The following PGBD5 variants were observed in gnomAD, a reference collection of about 807,000 sequenced individuals.
PGBD5 encodes piggyBac transposable element derived 5.
PGBD5 carries 14 observed loss-of-function variants against 47.9 expected under a neutral mutation model. That is an observed-to-expected ratio of 0.29 (90% confidence interval 0.19 to 0.46). PGBD5 has a LOEUF of 0.46. PGBD5 is among the 20% of genes least tolerant of loss of function. PGBD5 has a pLI of 1.00. For missense variants in PGBD5, 635 were observed against 716.0 expected (o/e 0.89, Z 1.29); for synonymous variants, 316 against 306.3 (o/e 1.03, Z -0.33).
chr1:230,416,705 A>G (rs1657522775), intron 1 of PGBD5, among the ~76,000 whole-genome samples: 1 of 152,230 alleles, frequency 6.6e-6, no homozygotes, highest in African/African-American at 2.4e-5. Context: ...CAAGGTGACA[A>G]TAGAGAGGAA....
rs1553292580 is a variant in PGBD5 at position 230,425,954 on chromosome 1, G to GA, written c.-27_-26insT. 1.2e-5 allele frequency: 12 copies of GA among 961,602 alleles called. No individual in the cohort carries two copies. Among genetic ancestry groups the GA allele is most frequent in the Non-Finnish European group, 1.5e-5 (12 of 811,996 alleles). The allele number at this position is 961,602 out of a possible 1,614,324, so 59.6% of individuals were successfully genotyped here. ...GGCCCCGGCCGCCGCCCGCGCGCCC[G>GA]CCCCCACAGTGCCTCCCAGCCGCAC... On this transcript the variant is annotated 5_prime_UTR_variant, in exon 1 of 7. Coordinates refer to ENST00000391860, the MANE Select transcript of PGBD5 (RefSeq NM_001258311.2). This position sits in a 1 kb window ranked among gnomAD's most constrained non-coding sequence, Gnocchi z 4.7.
At chr1:230,396,678 T>C (rs928712030) in intron 1 of PGBD5, among the ~76,000 whole-genome samples, 4 of 147,740 alleles carry the variant, frequency 2.7e-5, no homozygotes, top group South Asian at 2.2e-4. Context: ...GGGGGCATCA[T>C]AGGAAGGGCC....
At chr1:230,424,294 G>A (rs948789184) in intron 1 of PGBD5, among the ~76,000 whole-genome samples, 1 of 152,220 alleles carries the variant, frequency 6.6e-6, no homozygotes, top group Non-Finnish European at 1.5e-5. Context: ...AAGGACTATA[G>A]AGAGTCAATG....
intron 5 of PGBD5, among the ~76,000 whole-genome samples, chr1:230,326,942 C>G (rs1331126219): frequency 1.3e-5 from 2 of 152,204 alleles, no homozygotes; most frequent in Non-Finnish European, 2.9e-5. Context: ...CCGCAAAGGT[C>G]ATGGCAAGAT....
At chr1:230,386,579 C>T (rs988827405) in intron 1 of PGBD5, among the ~76,000 whole-genome samples, 1 of 152,184 alleles carries the variant, frequency 6.6e-6, no homozygotes, top group Non-Finnish European at 1.5e-5. Flanking sequence ...CAATCTTTGA[C>T]AGTTTGATAG....
chr1:230,425,747 T>A lies in PGBD5; in HGVS notation c.182A>T (p.Asp61Val). 1 of 1,211,382 alleles carries A rather than the reference T, an allele frequency of 8.3e-7. No homozygotes were observed. Among genetic ancestry groups the A allele is most frequent in the East Asian group, 3.3e-5 (1 of 29,918 alleles). The allele number at this position is 1,211,382 out of a possible 1,614,324, so 75.0% of individuals were successfully genotyped here. A position where few individuals can be genotyped will look rare whatever the true frequency, so the allele number is the denominator to read the frequency against. ...GGGTCCCGGGGGCTCGCGCTCGTCG[T>A]CCGAGGAGGCGGCCGAGGAGGAGCG... is the stretch of plus-strand genomic sequence containing the variant. ...ASRSSSAASS[D>V]DEREPPGPPG... The change falls in exon 1 of 7, where the codon GAC becomes GTC. Residue 61 changes from aspartate (D) to valine (V), a missense_variant. By Grantham distance (152) the Asp-to-Val change is radical. Transcript: ENST00000391860. The surrounding 1 kb of genome is among the most constrained non-coding windows in gnomAD (Gnocchi z 4.7).
rs151204403 is a variant in PGBD5 at position 230,329,951 on chromosome 1, C to T, written c.1273+2893G>A. On this transcript the variant is annotated intron_variant, in intron 5 of 6. Coordinates refer to ENST00000391860, the MANE Select transcript of PGBD5 (RefSeq NM_001258311.2). ...AGAGCAGAGAAGGTATCAACAGATCCGCCTATGAAGAAATGAAAACTTTTT... is the reference window on the plus strand; with the variant it reads ...AGAGCAGAGAAGGTATCAACAGATCTGCCTATGAAGAAATGAAAACTTTTT... 7.8e-4 allele frequency among the ~76,000 whole-genome samples: 119 copies of T among 152,190 alleles called. 1 individual carries two copies. Among genetic ancestry groups the T allele is most frequent in the African/African-American group, 2.6e-3 (108 of 41,526 alleles).
chr1:230,396,212 CTCACAT>C (rs1656957760), intron 1 of PGBD5, among the ~76,000 whole-genome samples: 1 of 80,686 alleles, frequency 1.2e-5, no homozygotes, highest in African/African-American at 6.0e-5. Flanking sequence ...TTCCCTTTTA[CTCACAT>C]TCCTCCTTTT....
Position 230,425,741 on chromosome 1 carries a change from T to C in PGBD5, c.188A>G (p.Glu63Gly). ...CCCTGGGGGTCCCGGGGGCTCGCGC[T>C]CGTCGTCCGAGGAGGCGGCCGAGGA... ...RSSSAASSDD[E>G]REPPGPPGAA... The change falls in exon 1 of 7, where the codon GAG becomes GGG. Residue 63 changes from glutamate to glycine, a missense_variant. Physicochemically the swap from Glu to Gly is moderately conservative, Grantham distance 98. Transcript: ENST00000391860. The surrounding 1 kb of genome is among the most constrained non-coding windows in gnomAD (Gnocchi z 4.7). 1 of 1,210,926 alleles carries C rather than the reference T, an allele frequency of 8.3e-7. No homozygotes were observed. The allele number at this position is 1,210,926 out of a possible 1,614,324, so 75.0% of individuals were successfully genotyped here.
intron 1 of PGBD5, among the ~76,000 whole-genome samples, chr1:230,411,855 G>T (rs537479591): frequency 2.6e-5 from 4 of 152,188 alleles, no homozygotes; most frequent in African/African-American, 9.6e-5. Context: ...AAAGACTACA[G>T]AATCATAGGA....
chr1:230,344,198 T>C (rs1370349047), intron 3 of PGBD5, among the ~76,000 whole-genome samples: 1 of 151,604 alleles, frequency 6.6e-6, no homozygotes, highest in Non-Finnish European at 1.5e-5. Flanking sequence ...GGCAGGAGAA[T>C]GGTGTGAACC....
At chr1:230,393,594 T>C (rs192557449) in intron 1 of PGBD5, among the ~76,000 whole-genome samples, 4 of 151,964 alleles carry the variant, frequency 2.6e-5, no homozygotes, top group Non-Finnish European at 5.9e-5. Context: ...TCCCAGCACT[T>C]TGGGAGGCAG....
intron 1 of PGBD5, chr1:230,368,060 G>C: frequency 2.9e-6 from 4 of 1,367,920 alleles, no homozygotes; most frequent in Non-Finnish European, 3.9e-6. Context: ...TGGAAGGCTG[G>C]GTCTTTTTAG....
chr1:230,316,375 C>G lies in PGBD5; in HGVS notation c.*7050G>C, dbSNP rs1666950977. 1 of 152,200 alleles carries G rather than the reference C, an allele frequency of 6.6e-6. No individual in the cohort carries two copies. Among genetic ancestry groups the G allele is most frequent in the African/African-American group, 2.4e-5 (1 of 41,422 alleles). The allele number at this position is 152,200 out of a possible 1,614,324, so 9.4% of individuals were successfully genotyped here. A position where few individuals can be genotyped will look rare whatever the true frequency, so the allele number is the denominator to read the frequency against. On this transcript the variant is annotated 3_prime_UTR_variant, in exon 7 of 7. Coordinates refer to ENST00000391860, the MANE Select transcript of PGBD5 (RefSeq NM_001258311.2). ...AATTGCCTCAACAATCCTGCAACTCCAGATCTTCAATTTACACTGAACACC... is the reference window on the plus strand; with the variant it reads ...AATTGCCTCAACAATCCTGCAACTCGAGATCTTCAATTTACACTGAACACC...
At chr1:230,379,415 T>C (rs886557415) in intron 1 of PGBD5, among the ~76,000 whole-genome samples, 4 of 152,238 alleles carry the variant, frequency 2.6e-5, no homozygotes, top group African/African-American at 4.8e-5. Context: ...AGGCTGACTG[T>C]AGTAGCCTGC....
Position 230,323,529 on chromosome 1 carries a change from T to C in PGBD5, c.1471A>G (p.Lys491Glu). 6.2e-7 allele frequency: 1 copy of C among 1,614,180 alleles called. No homozygotes were observed. ...IAINNAYILY[K>E]MSDAYHVKRY... ...TTCACGTGGTAGGCGTCTGACATTT[T>C]GTACAGGATGTAGGCATTGTTGATG... Residue 491 changes from lysine to glutamate, a missense_variant, in exon 7 of 7, where the codon AAA (lysine) becomes GAA (glutamate). Coordinates refer to ENST00000391860, the MANE Select transcript of PGBD5 (RefSeq NM_001258311.2). The surrounding 1 kb of genome is among the most constrained non-coding windows in gnomAD (Gnocchi z 4.1).
intron 1 of PGBD5, among the ~76,000 whole-genome samples, chr1:230,383,640 T>G (rs1656566072): frequency 6.6e-6 from 1 of 152,132 alleles, no homozygotes; most frequent in Non-Finnish European, 1.5e-5. Flanking sequence ...CCCCTTGGCT[T>G]TCCAATGTGC....
rs561944260 is a variant in PGBD5, at chr1:230,357,199, G to A, written c.454C>T (p.Arg152Trp). The change falls in exon 2 of 7, where the codon CGG (arginine) becomes TGG (tryptophan). Residue 152 changes from arginine (R) to tryptophan (W), a missense_variant. By Grantham distance (101) the Arg-to-Trp change is moderately radical (BLOSUM62 -3). Transcript: ENST00000391860. This position sits in a 1 kb window ranked among gnomAD's most constrained non-coding sequence, Gnocchi z 5.7. ...ACCCAGGCTCCGTCGCTCCCAAACCGCTCCTGGAACTTCTTGGCATACATG... is the reference window on the plus strand; with the variant it reads ...ACCCAGGCTCCGTCGCTCCCAAACCACTCCTGGAACTTCTTGGCATACATG... ...TNMYAKKFQE[R>W]FGSDGAWVEV... The A allele has an allele frequency of 9.3e-6, 15 of 1,614,016 alleles. No individual in the cohort carries two copies. Among genetic ancestry groups the A allele is most frequent in the East Asian group, 2.2e-5 (1 of 44,870 alleles).
chr1:230,373,927 G>C (rs1667972088), intron 1 of PGBD5, among the ~76,000 whole-genome samples: 1 of 152,056 alleles, frequency 6.6e-6, no homozygotes, highest in South Asian at 2.1e-4. Flanking sequence ...CTAACTCCCA[G>C]ACTCAAGCAA....
Sources: allele counts gnomAD v4.1 joint callset (sites outside exome capture counted in the v4.1 genomes callset), GRCh38; gene constraint gnomAD v4.1.1; non-coding constraint Gnocchi (gnomAD v3.1); transcripts MANE v1.5; gene names NCBI Gene and HGNC (gene_info 2026-07-23, HGNC 2026-07-21).